Variants in STARD13 observed in about 807,000 individuals in gnomAD.
The protein encoded by STARD13 is StAR related lipid transfer domain containing 13.
STARD13 carries 62 observed loss-of-function variants against 106.4 expected under a neutral mutation model. That is an observed-to-expected ratio of 0.58 (90% CI 0.48 to 0.72). The LOEUF is 0.72. Ranked by LOEUF, STARD13 falls within the 30% of genes least tolerant of loss-of-function variation. STARD13 has a pLI of 0.00. For synonymous variants in STARD13, 565 were observed against 553.0 expected, an observed-to-expected ratio of 1.02 and a Z score of -0.31; for missense variants, 1,387 against 1,424.0, an observed-to-expected ratio of 0.97 and a Z score of 0.42.
the STARD13 span, among the ~76,000 whole-genome samples, chr13:33,650,845 T>C: frequency 6.6e-6 from 1 of 152,274 alleles, no homozygotes; most frequent in African/African-American, 2.4e-5. Flanking sequence ...GCTTTCTGCC[T>C]TTCTACCATG....
chr13:33,331,122 C>T (rs2077830819), intron 1 of STARD13, among the ~76,000 whole-genome samples: 1 of 143,328 alleles, frequency 7.0e-6, no homozygotes, highest in African/African-American at 2.6e-5. Flanking sequence ...TCATCTGGCT[C>T]TGACCCCCCT....
the STARD13 span, among the ~76,000 whole-genome samples, chr13:33,391,556 T>G: frequency 6.6e-6 from 1 of 152,150 alleles, no homozygotes; most frequent in African/African-American, 2.4e-5. Context: ...TTAATACATC[T>G]AGGCAGCTTA....
chr13:33,506,340 T>TA, the STARD13 span, among the ~76,000 whole-genome samples: 4 of 152,272 alleles, frequency 2.6e-5, no homozygotes, highest in East Asian at 7.7e-4. Flanking sequence ...AAACTATACT[T>TA]ATTCAGATGT....
upstream of STARD13, among the ~76,000 whole-genome samples, chr13:33,352,808 C>T (rs945101859): frequency 9.2e-5 from 14 of 152,214 alleles, no homozygotes; most frequent in Non-Finnish European, 4.4e-5. Context: ...CAACAGGAAC[C>T]TCAGGGCTAC....
the STARD13 span, among the ~76,000 whole-genome samples, chr13:33,422,232 C>T: frequency 4.0e-4 from 61 of 152,208 alleles, 1 homozygote; most frequent in Non-Finnish European, 7.8e-4. Flanking sequence ...TAAGCTGATA[C>T]GCAACTTCGG....
the STARD13 span, among the ~76,000 whole-genome samples, chr13:33,620,643 A>G: frequency 6.6e-6 from 1 of 151,950 alleles, no homozygotes; most frequent in African/African-American, 2.4e-5. Flanking sequence ...TTGTCTTAAC[A>G]CATTTCACAC....
At chr13:33,196,083 A>G (rs1379361704) in intron 1 of STARD13, among the ~76,000 whole-genome samples, 1 of 152,240 alleles carries the variant, frequency 6.6e-6, no homozygotes, top group Non-Finnish European at 1.5e-5. Flanking sequence ...AAAATATTCT[A>G]AAATATTTTT....
chr13:33,426,095 C>G, the STARD13 span, among the ~76,000 whole-genome samples: 1 of 152,118 alleles, frequency 6.6e-6, no homozygotes, highest in Non-Finnish European at 1.5e-5. Flanking sequence ...GTAAAGCTTC[C>G]TTTTCCTAAT....
intron 1 of STARD13, among the ~76,000 whole-genome samples, chr13:33,301,568 C>CTTTTTTTTTTTTTTTTT (rs11393186): frequency 8.3e-5 from 6 of 72,060 alleles, no homozygotes; most frequent in African/African-American, 9.7e-5. Context: ...CTTTTTTTTT[C>CTTTTTTTTTTTTTTTTT]TTTTTTTTTT....
the STARD13 span, among the ~76,000 whole-genome samples, chr13:33,473,085 C>T: frequency 6.6e-6 from 1 of 152,152 alleles, no homozygotes; most frequent in African/African-American, 2.4e-5. Context: ...CCTTGAACTT[C>T]CTAGTTGGCT....
chr13:33,403,146 C>T, the STARD13 span, among the ~76,000 whole-genome samples: 2 of 152,314 alleles, frequency 1.3e-5, no homozygotes, highest in East Asian at 3.9e-4. Context: ...GAGTACCTGC[C>T]CCGGCTCCTG....
At chr13:33,558,843 T>G in the STARD13 span, among the ~76,000 whole-genome samples, 1 of 151,630 alleles carries the variant, frequency 6.6e-6, no homozygotes, top group Non-Finnish European at 1.5e-5. Context: ...GCTATTGTCA[T>G]GCACAGAATT....
At chr13:33,520,657 G>A in the STARD13 span, among the ~76,000 whole-genome samples, 2 of 152,014 alleles carry the variant, frequency 1.3e-5, no homozygotes, top group African/African-American at 2.4e-5. Flanking sequence ...GCTGTCGTGA[G>A]GATTTGCTTC....
At chr13:33,324,830 C>A (rs1403281479) in intron 1 of STARD13, among the ~76,000 whole-genome samples, 1 of 152,118 alleles carries the variant, frequency 6.6e-6, no homozygotes, top group East Asian at 1.9e-4. Context: ...GCAACAAATG[C>A]CTGCAGATTG....
chr13:33,435,528 T>C, the STARD13 span, among the ~76,000 whole-genome samples: 2 of 152,330 alleles, frequency 1.3e-5, no homozygotes, highest in Admixed American at 1.3e-4. Context: ...TCTTTTTGCC[T>C]CATGTGGCTG....
chr13:33,109,713 C>T (rs1000723929), intron 12 of STARD13, among the ~76,000 whole-genome samples, 160 bp downstream of exon 12: 7 of 152,196 alleles, frequency 4.6e-5, no homozygotes, highest in African/African-American at 7.2e-5. Flanking sequence ...AGTCGGGCAT[C>T]GACACAGAAA....
chr13:33,531,637 C>G, the STARD13 span, among the ~76,000 whole-genome samples: 1 of 152,146 alleles, frequency 6.6e-6, no homozygotes, highest in Admixed American at 6.5e-5. Context: ...GTCATTACCA[C>G]TGTGTTGGTC....
chr13:33,262,383 G>A (rs912849161), intron 1 of STARD13, among the ~76,000 whole-genome samples: 4 of 152,122 alleles, frequency 2.6e-5, no homozygotes, highest in South Asian at 2.1e-4. Flanking sequence ...GGGGGACCTC[G>A]CACAGAGGTG....
the STARD13 span, among the ~76,000 whole-genome samples, chr13:33,606,570 G>T: frequency 0.012 from 1,862 of 152,084 alleles, 22 homozygotes; most frequent in Non-Finnish European, 0.021. Flanking sequence ...GCATTTTAAG[G>T]CTGTCTACTT....
Sources: allele counts gnomAD v4.1 joint callset (sites outside exome capture counted in the v4.1 genomes callset), GRCh38; gene constraint gnomAD v4.1.1; transcripts MANE v1.5; gene names NCBI Gene and HGNC (gene_info 2026-07-23, HGNC 2026-07-21).